Variants in SPATA31D1 observed in about 807,000 individuals in gnomAD.
The protein encoded by SPATA31D1 is spermatogenesis-associated protein 31D1.
Under a neutral mutation model 13.2 loss-of-function variants are expected in SPATA31D1, and 6 were observed. The ratio of observed to expected loss-of-function variants is 0.46; its 90% CI spans 0.25 to 0.90. SPATA31D1 has a LOEUF of 0.90. Ranked by LOEUF, SPATA31D1 falls within the 40% of genes least tolerant of loss-of-function variation. The probability of loss-of-function intolerance (pLI) is 0.18; values close to 1 mark genes in which losing one functional copy is unlikely to be tolerated. For missense variants in SPATA31D1, 2,445 were observed against 1,884.7 expected (o/e 1.30, Z -5.50); for synonymous variants, 903 against 718.8 (o/e 1.26, Z -4.10).
Position 81,994,403 on chromosome 9 carries a change from G to C in SPATA31D1, c.3933G>C (p.Leu1311=), listed in dbSNP as rs1318174268. ...AGCTTGATGGAGGGGATGCAGGGCT[G>C]GGGACATCCCAACGCAGGAGAAAGA... ...GGELDGGDAG[L]GTSQRRRKSL... is the part of the protein sequence containing the mutation. Residue 1311 remains leucine, a synonymous_variant, in exon 4 of 4, where the codon CTG becomes CTC. Transcript: ENST00000344803. The C allele has an allele frequency of 2.5e-6, 4 of 1,613,796 alleles. No individual in the cohort carries two copies. The highest frequency in any genetic ancestry group is 3.4e-6 in the Non-Finnish European group (4 of 1,179,858).
Position 81,994,207 on chromosome 9 carries a change from G to T in SPATA31D1, c.3737G>T (p.Ser1246Ile). ...DLLTNSQGIS[S>I]GDMGTSQVVH... ...CTGACTAATTCCCAGGGCATCTCGAGTGGGGACATGGGAACTTCCCAGGTG... is the reference window on the plus strand; with the variant it reads ...CTGACTAATTCCCAGGGCATCTCGATTGGGGACATGGGAACTTCCCAGGTG... The change falls in exon 4 of 4, where the codon AGT (serine) becomes ATT (isoleucine). Residue 1246 changes from serine (S) to isoleucine (I), a missense_variant. Ser to Ile is a moderately radical substitution (Grantham distance 142). Transcript: ENST00000344803. The T allele has an allele frequency of 5.0e-6, 8 of 1,614,012 alleles. No homozygotes were observed. Among genetic ancestry groups the T allele is most frequent in the Non-Finnish European group, 6.8e-6 (8 of 1,179,908 alleles).
upstream of SPATA31D1, among the ~76,000 whole-genome samples, chr9:81,987,796 A>G (rs1824882119): frequency 6.6e-6 from 1 of 152,224 alleles, no homozygotes; most frequent in Non-Finnish European, 1.5e-5. Flanking sequence ...TTAAAAAACA[A>G]CAACAACAAT....
intron 2 of SPATA31D1, chr9:81,990,171 G>C (rs1824922709): frequency 1.9e-6 from 1 of 535,228 alleles, no homozygotes; most frequent in African/African-American, 1.9e-5. Flanking sequence ...GATTCCTCCT[G>C]GAGGTAACCA....
At position 81,990,907 on chromosome 9, in the gene SPATA31D1, G is replaced by T; in HGVS notation, c.437G>T (p.Trp146Leu). Residue 146 changes from tryptophan to leucine, a missense_variant, in exon 4 of 4, where the codon TGG (tryptophan) becomes TTG (leucine). By Grantham distance (61) the Trp-to-Leu change is moderately conservative. Transcript: ENST00000344803. ...ATADIQQLLS[W>L]ESLKDAAPSV... Reference sequence around the variant, plus strand: ...GCTGATATCCAGCAACTGCTGTCTTGGGAGTCCCTGAAAGATGCTGCTCCC... The same window carrying T: ...GCTGATATCCAGCAACTGCTGTCTTTGGAGTCCCTGAAAGATGCTGCTCCC... 6.2e-7 allele frequency: 1 copy of T among 1,613,888 alleles called. No homozygotes were observed. Among genetic ancestry groups the T allele is most frequent in the Non-Finnish European group, 8.5e-7 (1 of 1,179,862 alleles).
chr9:81,989,643 C>A, intron 1 of SPATA31D1, 135 bp from the exon 2 acceptor site: 3 of 1,001,408 alleles, frequency 3.0e-6, no homozygotes, highest in Admixed American at 2.8e-5. Flanking sequence ...AAATTGATAA[C>A]AGGAACATAT....
chr9:81,992,869 ACT>A lies in SPATA31D1; in HGVS notation c.2402_2403del (p.Ser801Ter). 1 of 1,613,812 alleles carries A rather than the reference ACT, an allele frequency of 6.2e-7. No individual in the cohort carries two copies. Among genetic ancestry groups the A allele is most frequent in the Non-Finnish European group, 8.5e-7 (1 of 1,179,720 alleles). ...TCTTCAGACAAGGATCTGAGGTCTA[ACT>A]CTGAGAGAGACCTAGAAACTCATAT... is the stretch of plus-strand genomic sequence containing the variant. On this transcript the variant is annotated frameshift_variant, in exon 4 of 4. Transcript: ENST00000344803. LOFTEE classifies it low-confidence loss of function (END_TRUNC).
intron 1 of SPATA31D1, 95 bp downstream of exon 1, chr9:81,989,099 A>G: frequency 2.0e-6 from 3 of 1,507,716 alleles, no homozygotes; most frequent in East Asian, 2.3e-5. Context: ...TGGTACAGAG[A>G]CATGTTTTAG....
At position 81,991,075 on chromosome 9, in the gene SPATA31D1, C is replaced by T. The variant is rs765399068; in HGVS notation, c.605C>T (p.Pro202Leu). ...CCACCACCCCCCTTAATTCTCTCAC[C>T]TGACCTGATCACCACCTTAGCTGAC... ...ASPPPPLILSPDLITTLADLF... is the reference protein window; with the variant it reads ...ASPPPPLILSLDLITTLADLF... Residue 202 changes from proline to leucine, a missense_variant, in exon 4 of 4, where the codon CCT becomes CTT. By Grantham distance (98) the Pro-to-Leu change is moderately conservative. Coordinates refer to ENST00000344803, the MANE Select transcript of SPATA31D1 (RefSeq NM_001001670.3). 3 of 1,613,736 alleles carry T rather than the reference C, an allele frequency of 1.9e-6. No homozygotes were observed. The highest frequency in any genetic ancestry group is 2.5e-6 in the Non-Finnish European group (3 of 1,179,716).
Position 81,991,321 on chromosome 9 carries a change from A to G in SPATA31D1, c.851A>G (p.Gln284Arg). 1 of 1,614,034 alleles carries G rather than the reference A, an allele frequency of 6.2e-7. No homozygotes were observed. Among genetic ancestry groups the G allele is most frequent in the East Asian group, 2.2e-5 (1 of 44,874 alleles). Residue 284 changes from glutamine to arginine, a missense_variant, in exon 4 of 4, where the codon CAG (glutamine) becomes CGG (arginine). Gln to Arg is a conservative substitution (Grantham distance 43). Transcript: ENST00000344803. ...TCCACCCTATGCCAAGATATTTCGC[A>G]GGCCATGAATCCCATTGATTCTTGT... ...FGSTLCQDISQAMNPIDSCAR... is the reference protein window; with the variant it reads ...FGSTLCQDISRAMNPIDSCAR...
Position 81,994,186 on chromosome 9 carries a change from C to A in SPATA31D1, c.3716C>A (p.Thr1239Asn). 6.2e-7 allele frequency: 1 copy of A among 1,614,050 alleles called. No individual in the cohort carries two copies. The highest frequency in any genetic ancestry group is 8.5e-7 in the Non-Finnish European group (1 of 1,179,904). ...LDNLSSKDLLTNSQGISSGDM... is the reference protein window; with the variant it reads ...LDNLSSKDLLNNSQGISSGDM... ...AACTTGAGTTCCAAGGACTTACTGACTAATTCCCAGGGCATCTCGAGTGGG... is the reference window on the plus strand; with the variant it reads ...AACTTGAGTTCCAAGGACTTACTGAATAATTCCCAGGGCATCTCGAGTGGG... The change falls in exon 4 of 4, where the codon ACT becomes AAT. Residue 1239 changes from threonine to asparagine, a missense_variant. Physicochemically the swap from Thr to Asn is moderately conservative, Grantham distance 65 (BLOSUM62 0). Transcript: ENST00000344803.
rs1216090059 is a variant in SPATA31D1, at chr9:81,993,785, T to G, written c.3315T>G (p.Thr1105=). 6.2e-7 allele frequency: 1 copy of G among 1,614,002 alleles called. No individual in the cohort carries two copies. The highest frequency in any genetic ancestry group is 1.7e-5 in the Admixed American group (1 of 60,026). The stretch of plus-strand genomic sequence containing the variant: ...TAGACGAAGTCAGTCAGAAACAGAC[T>G]GTACTGGCCAGTAGATGCAGCGCAG... ...SIVDEVSQKQ[T]VLASRCSAEL... is the part of the protein sequence containing the mutation. Residue 1105 remains threonine (T), a synonymous_variant, in exon 4 of 4, where the codon ACT becomes ACG. Transcript: ENST00000344803.
In SPATA31D1 at chr9:81,992,779, G is replaced by T. The variant is rs1355385477; in HGVS notation, c.2309G>T (p.Gly770Val). 11 of 1,613,666 alleles carry T rather than the reference G, an allele frequency of 6.8e-6. No individual in the cohort carries two copies. The highest frequency in any genetic ancestry group is 9.3e-6 in the Non-Finnish European group (11 of 1,179,734). ...SSNMLSMENVGNYQGYSQETV... is the reference protein window; with the variant it reads ...SSNMLSMENVVNYQGYSQETV... ...AATATGCTTTCCATGGAGAATGTGG[G>T]GAATTATCAGGGATACAGCCAGGAG... The change falls in exon 4 of 4, where the codon GGG becomes GTG. Residue 770 changes from glycine (G) to valine (V), a missense_variant. Physicochemically the swap from Gly to Val is moderately radical, Grantham distance 109. Transcript: ENST00000344803.
At position 81,989,818 on chromosome 9, in the gene SPATA31D1, T is replaced by C. The variant is rs370668629; in HGVS notation, c.227T>C (p.Phe76Ser). 2.5e-6 allele frequency: 4 copies of C among 1,613,474 alleles called. No homozygotes were observed. Among genetic ancestry groups the C allele is most frequent in the Non-Finnish European group, 2.5e-6 (3 of 1,179,658 alleles). ...RAKRRRKGGT[F>S]KGFPDWKSFQ... The stretch of plus-strand genomic sequence containing the variant: ...AAGAGGAGAAGGAAAGGTGGGACAT[T>C]CAAAGGTAATGTCAGCCTGCTCTAT... Residue 76 changes from phenylalanine to serine, a missense_variant, in exon 2 of 4, where the codon TTC becomes TCC. Transcript: ENST00000344803.
Position 81,994,101 on chromosome 9 carries a change from G to A in SPATA31D1, c.3631G>A (p.Val1211Ile). The A allele has an allele frequency of 6.2e-7, 1 of 1,613,826 alleles. No homozygotes were observed. The highest frequency in any genetic ancestry group is 1.1e-5 in the South Asian group (1 of 91,068). ...KNQMLSQLKL[V>I]QRKHSQPQSH... ...TCAGATGTTGAGCCAGTTAAAGTTGGTCCAGAGGAAGCATAGCCAACCTCA... is the reference window on the plus strand; with the variant it reads ...TCAGATGTTGAGCCAGTTAAAGTTGATCCAGAGGAAGCATAGCCAACCTCA... The change falls in exon 4 of 4, where the codon GTC becomes ATC. Residue 1211 changes from valine to isoleucine, a missense_variant. Val to Ile is a conservative substitution (Grantham distance 29). Transcript: ENST00000344803.
intron 2 of SPATA31D1, 49 bp from the exon 3 acceptor site, chr9:81,990,368 T>C (rs773751689): frequency 7.0e-6 from 10 of 1,420,396 alleles, no homozygotes; most frequent in Non-Finnish European, 9.6e-6. Context: ...GATTGACTTC[T>C]GTATGAGCCG....
rs1824903763 is a variant in SPATA31D1, at chr9:81,989,144, T to C, written c.186+140T>C. On this transcript the variant is annotated intron_variant, in intron 1 of 3. Transcript: ENST00000344803. ...CTGAAGAGAGGATAGAACTTCACTC[T>C]TCTATGGAAGAGGTTGGGCAGACAT... The C allele has an allele frequency of 3.0e-6, 4 of 1,346,358 alleles. No individual in the cohort carries two copies. The East Asian group carries it at 1.0e-4, about 34-fold the overall frequency. 83.4% of individuals were successfully genotyped at this position (1,346,358 alleles called of 1,614,324 possible). A position where few individuals can be genotyped will look rare whatever the true frequency, so the allele number is the denominator to read the frequency against.
chr9:81,993,134 T>C lies in SPATA31D1; in HGVS notation c.2664T>C (p.Thr888=), dbSNP rs771251543. The change falls in exon 4 of 4, where the codon ACT becomes ACC. Residue 888 remains threonine, a synonymous_variant. Coordinates refer to ENST00000344803, the MANE Select transcript of SPATA31D1 (RefSeq NM_001001670.3). The part of the protein sequence containing the change: ...TLVSEDHCVD[T]SQEISFLSSN... ...TGAGTGAGGACCACTGCGTTGATAC[T>C]TCCCAGGAAATTTCCTTCCTTAGTT... is the stretch of plus-strand genomic sequence containing the variant. 6 of 1,614,004 alleles carry C rather than the reference T, an allele frequency of 3.7e-6. No homozygotes were observed. Among genetic ancestry groups the C allele is most frequent in the Non-Finnish European group, 4.2e-6 (5 of 1,179,892 alleles).
Position 81,994,707 on chromosome 9 carries a change from C to T in SPATA31D1, c.4237C>T (p.Leu1413=), listed in dbSNP as rs780125019. Residue 1413 remains leucine, a synonymous_variant, in exon 4 of 4, where the codon CTA becomes TTA. Transcript: ENST00000344803. ...AATTAGGAAAGACACTAGGGAGTTC[C>T]TAGAAGAGAAGCTGGGGCATAGGCA... ...QKIRKDTREF[L]EEKLGHRHGI... The T allele has an allele frequency of 6.2e-7, 1 of 1,613,690 alleles. No homozygotes were observed. The highest frequency in any genetic ancestry group is 1.1e-5 in the South Asian group (1 of 91,058).
chr9:81,992,428 C>T lies in SPATA31D1; in HGVS notation c.1958C>T (p.Pro653Leu), dbSNP rs1269160492. The T allele has an allele frequency of 1.9e-6, 3 of 1,613,112 alleles. No homozygotes were observed. Among genetic ancestry groups the T allele is most frequent in the Admixed American group, 3.3e-5 (2 of 60,018 alleles). The change falls in exon 4 of 4, where the codon CCA becomes CTA. Residue 653 changes from proline to leucine, a missense_variant. Coordinates refer to ENST00000344803, the MANE Select transcript of SPATA31D1 (RefSeq NM_001001670.3). ...AAATCCCAGGAAGACTTTTGTCCTC[C>T]AGCTCCCAATCCTGAATTGGTCAGA... ...VQKSQEDFCP[P>L]APNPELVRKS...
Sources: allele counts gnomAD v4.1 joint callset (sites outside exome capture counted in the v4.1 genomes callset), GRCh38; gene constraint gnomAD v4.1.1; transcripts MANE v1.5; gene names NCBI Gene and HGNC (gene_info 2026-07-23, HGNC 2026-07-21).